KIAA1217: variants seen among roughly 807,000 people sequenced by gnomAD.
KIAA1217 encodes sickle tail protein homolog.
A neutral mutation model predicts 163.9 loss-of-function variants in KIAA1217; 88 were observed. The observed-to-expected ratio is 0.54, with a 90% CI of 0.45 to 0.64. The LOEUF is 0.64. KIAA1217 is among the 30% of genes least tolerant of loss of function. KIAA1217 has a pLI of 0.00. For synonymous variants in KIAA1217, 903 were observed against 923.1 expected, an observed-to-expected ratio of 0.98 and a Z score of 0.39; for missense variants, 2,372 against 2,475.0, an observed-to-expected ratio of 0.96 and a Z score of 0.88.
intron 5 of KIAA1217, among the ~76,000 whole-genome samples, chr10:24,468,238 T>C (rs1375414398): frequency 6.6e-6 from 1 of 152,204 alleles, no homozygotes; most frequent in South Asian, 2.1e-4. Flanking sequence ...TTGCCTTAGG[T>C]TGGTCCCTGT....
rs12252405 is a variant in KIAA1217 at position 24,181,477 on chromosome 10, A to G, written c.-170-38149A>G. 3.0e-3 allele frequency among the ~76,000 whole-genome samples: 463 copies of G among 152,312 alleles called. 1 individual carries two copies. The highest frequency in any genetic ancestry group is 0.011 in the African/African-American group (438 of 41,570). ...TCAAAGGAGAAAAGTAATAGGAAGA[A>G]GAGCTAGCAAGGTAATGCATGGCTG... On this transcript the variant is annotated intron_variant, in intron 2 of 18. Coordinates refer to the KIAA1217 transcript ENST00000376462.
chr10:23,712,275 G>T (rs7071163), intron 1 of KIAA1217, among the ~76,000 whole-genome samples: 36,514 of 151,798 alleles, frequency 0.24, 5,008 homozygotes, highest in African/African-American at 0.36. Flanking sequence ...CTAGCCCTAT[G>T]CTCCCCTCAC....
At chr10:23,742,881 GT>G (rs1201912161) in intron 1 of KIAA1217, among the ~76,000 whole-genome samples, 2 of 152,160 alleles carry the variant, frequency 1.3e-5, no homozygotes, top group Non-Finnish European at 2.9e-5. Flanking sequence ...TAACAAGAAG[GT>G]TTGGGAGTGT....
intron 3 of KIAA1217, among the ~76,000 whole-genome samples, chr10:24,402,523 C>CAA (rs1173653514): frequency 0.031 from 2,159 of 70,784 alleles, 82 homozygotes; most frequent in African/African-American, 0.088. Context: ...AAACAAAAAA[C>CAA]AAAACAAAAA....
chr10:23,936,340 C>G (rs1008543013), intron 1 of KIAA1217, among the ~76,000 whole-genome samples: 10 of 152,034 alleles, frequency 6.6e-5, no homozygotes, highest in Non-Finnish European at 1.5e-5. Flanking sequence ...TTGCATACTA[C>G]CTGTACTGGG....
At chr10:24,424,535 G>A (rs1221696537) in intron 3 of KIAA1217, among the ~76,000 whole-genome samples, 2 of 152,298 alleles carry the variant, frequency 1.3e-5, no homozygotes, top group South Asian at 2.1e-4. Context: ...CATTTCTACC[G>A]TTGCCTCTAG....
chr10:23,717,540 A>G (rs1837648484), intron 1 of KIAA1217, among the ~76,000 whole-genome samples: 2 of 152,162 alleles, frequency 1.3e-5, no homozygotes, highest in Admixed American at 6.6e-5. Context: ...TGCTGAAAAT[A>G]CATCCCCTAA....
intron 10 of KIAA1217, among the ~76,000 whole-genome samples, chr10:24,518,005 T>C (rs1041974398): frequency 6.6e-6 from 1 of 151,392 alleles, no homozygotes; most frequent in Admixed American, 6.6e-5. Flanking sequence ...AATAAAAAAA[T>C]AAAACTATGA....
At chr10:23,985,779 T>C (rs949940762) in intron 1 of KIAA1217, among the ~76,000 whole-genome samples, 1 of 152,214 alleles carries the variant, frequency 6.6e-6, no homozygotes, top group African/African-American at 2.4e-5. Flanking sequence ...TTATTCTCCT[T>C]GGTCCAATGG....
intron 1 of KIAA1217, among the ~76,000 whole-genome samples, chr10:24,214,876 A>T (rs1452725933): frequency 6.6e-6 from 1 of 152,224 alleles, no homozygotes; most frequent in African/African-American, 2.4e-5. Flanking sequence ...GCTCTGGAGC[A>T]GGTGTGGAAT....
intron 2 of KIAA1217, among the ~76,000 whole-genome samples, chr10:24,193,610 A>G (rs1292059707): frequency 6.6e-6 from 1 of 152,228 alleles, no homozygotes; most frequent in East Asian, 1.9e-4. Context: ...CTGAACATGA[A>G]CAATGGCTTA....
At chr10:23,947,594 T>C (rs1475705313) in intron 1 of KIAA1217, among the ~76,000 whole-genome samples, 1 of 152,206 alleles carries the variant, frequency 6.6e-6, no homozygotes, top group East Asian at 1.9e-4. Context: ...GAGATATCAG[T>C]AGGTGGTGAC....
intron 3 of KIAA1217, among the ~76,000 whole-genome samples, chr10:24,399,041 G>A (rs541643038): frequency 1.3e-5 from 2 of 152,126 alleles, no homozygotes; most frequent in Non-Finnish European, 2.9e-5. Flanking sequence ...CTCCTGCCCC[G>A]CTCATGCCTG....
intron 2 of KIAA1217, among the ~76,000 whole-genome samples, chr10:24,165,162 C>T (rs769918655): frequency 2.6e-5 from 4 of 152,148 alleles, no homozygotes; most frequent in East Asian, 1.9e-4. Context: ...GCAAGGATGG[C>T]GGTGATTCCC....
intron 1 of KIAA1217, among the ~76,000 whole-genome samples, chr10:23,842,305 G>C (rs1289983004): frequency 6.6e-6 from 1 of 152,168 alleles, no homozygotes; most frequent in East Asian, 1.9e-4. Flanking sequence ...CTCAGTTCAA[G>C]AAGATCACCA....
At chr10:23,863,992 G>T (rs1021048994) in intron 1 of KIAA1217, among the ~76,000 whole-genome samples, 18 of 152,040 alleles carry the variant, frequency 1.2e-4, no homozygotes, top group Non-Finnish European at 2.1e-4. Flanking sequence ...AAATGCAATG[G>T]TTTACCTTGT....
In KIAA1217 at chr10:24,456,886, A is replaced by G. The variant is rs1031822110; in HGVS notation, c.847-16342A>G. Among the ~76,000 whole-genome samples the G allele has an allele frequency of 3.3e-5, 5 of 151,962 alleles. No individual in the cohort carries two copies. The East Asian group carries it at 9.7e-4, about 29-fold the overall frequency. On this transcript the variant is annotated intron_variant, in intron 5 of 20. Coordinates refer to ENST00000376454, the MANE Select transcript of KIAA1217 (RefSeq NM_019590.5). ...CCCGGCTAATTTTTGTGTTTTTAGT[A>G]GAGTCAGGTTTCACCACGTTGGCCA... is the stretch of plus-strand genomic sequence containing the variant.
chr10:23,706,241 T>A (rs1394304646), intron 1 of KIAA1217, among the ~76,000 whole-genome samples: 2 of 152,166 alleles, frequency 1.3e-5, no homozygotes, highest in Non-Finnish European at 2.9e-5. Flanking sequence ...CTAGATGTGT[T>A]TTTCTACCTC....
chr10:24,202,486 G>C (rs12218728), intron 2 of KIAA1217, among the ~76,000 whole-genome samples: 130,761 of 152,096 alleles, frequency 0.86, 57,073 homozygotes, highest in Middle Eastern at 0.91. Context: ...AGGGTGACCT[G>C]CAGGGCCCTG....
Sources: allele counts gnomAD v4.1 joint callset (sites outside exome capture counted in the v4.1 genomes callset), GRCh38; gene constraint gnomAD v4.1.1; transcripts MANE v1.5; gene names NCBI Gene and HGNC (gene_info 2026-07-23, HGNC 2026-07-21).